ARHGAP5: variants seen among roughly 807,000 people sequenced by gnomAD.
ARHGAP5 encodes the protein Rho GTPase activating protein 5.
Under a neutral mutation model 116.6 loss-of-function variants are expected in ARHGAP5, and 23 were observed. The observed-to-expected ratio is 0.20, with a 90% CI of 0.14 to 0.28. ARHGAP5 has a LOEUF of 0.28. ARHGAP5 is among the 10% of genes least tolerant of loss of function. ARHGAP5 has a pLI of 1.00. For missense variants in ARHGAP5, 1,405 were observed against 1,774.8 expected (o/e 0.79, Z 3.74); for synonymous variants, 574 against 602.0 (o/e 0.95, Z 0.68).
chr14:32,158,657 A>G lies in ARHGAP5; in HGVS notation c.*3709A>G. 1 of 151,954 alleles carries G rather than the reference A, an allele frequency of 6.6e-6. No individual in the cohort carries two copies. Among genetic ancestry groups the G allele is most frequent in the East Asian group, 1.9e-4 (1 of 5,198 alleles). The allele number at this position is 151,954 out of a possible 1,614,324, so 9.4% of individuals were successfully genotyped here. ...CAGTTTCTAATTTGTTTCAATACAT[A>G]TGGGACATGGTTGATTTTTTTACTG... On this transcript the variant is annotated 3_prime_UTR_variant, in exon 7 of 7. Coordinates refer to ENST00000345122, the MANE Select transcript of ARHGAP5 (RefSeq NM_001030055.2).
Position 32,093,848 on chromosome 14 carries a change from A to G in ARHGAP5, c.3179A>G (p.Lys1060Arg), listed in dbSNP as rs777681465. The G allele has an allele frequency of 5.6e-6, 9 of 1,613,754 alleles. No homozygotes were observed. Among genetic ancestry groups the G allele is most frequent in the Non-Finnish European group, 7.6e-6 (9 of 1,179,944 alleles). ...NVKKLDPNLLKTIEAGIGKNP... is the reference protein window; with the variant it reads ...NVKKLDPNLLRTIEAGIGKNP... The stretch of plus-strand genomic sequence containing the variant: ...AAAAAACTCGATCCAAACCTTTTAA[A>G]AACAATTGAAGCTGGTATTGGTAAA... The change falls in exon 2 of 7, where the codon AAA becomes AGA. Residue 1060 changes from lysine to arginine, a missense_variant. By Grantham distance (26) the Lys-to-Arg change is conservative. This residue lies in a region of ARHGAP5 where 944 missense variants were observed against 1,095.3 expected (regional missense o/e 0.86). Transcript: ENST00000345122.
At chr14:32,097,523 A>G (rs902339654) in intron 2 of ARHGAP5, among the ~76,000 whole-genome samples, 2 of 152,200 alleles carry the variant, frequency 1.3e-5, no homozygotes, top group African/African-American at 4.8e-5. Flanking sequence ...AACATCATCT[A>G]TCATCCTAAA....
chr14:32,093,286 G>A lies in ARHGAP5; in HGVS notation c.2617G>A (p.Val873Ile), dbSNP rs1236770952. The change falls in exon 2 of 7, where the codon GTT becomes ATT. Residue 873 changes from valine (V) to isoleucine (I), a missense_variant. This residue lies in a region of ARHGAP5 where 944 missense variants were observed against 1,095.3 expected (regional missense o/e 0.86). Coordinates refer to ENST00000345122, the MANE Select transcript of ARHGAP5 (RefSeq NM_001030055.2). ...MGMLRAFLSE[V>I]QDTIPVQLVA... ...AATGCTTCGAGCATTTCTATCAGAAGTTCAAGACACCATTCCTGTACAGCT... is the reference window on the plus strand; with the variant it reads ...AATGCTTCGAGCATTTCTATCAGAAATTCAAGACACCATTCCTGTACAGCT... The A allele has an allele frequency of 1.9e-6, 3 of 1,613,566 alleles. No individual in the cohort carries two copies. The highest frequency in any genetic ancestry group is 2.5e-6 in the Non-Finnish European group (3 of 1,179,854).
At chr14:32,102,041 C>T (rs1033517417) in intron 2 of ARHGAP5, among the ~76,000 whole-genome samples, 1 of 152,168 alleles carries the variant, frequency 6.6e-6, no homozygotes, top group African/African-American at 2.4e-5. Flanking sequence ...GATAGGCTTA[C>T]ACTTTGTTGA....
At chr14:32,083,159 CCATT>C (rs2041795409) in intron 1 of ARHGAP5, among the ~76,000 whole-genome samples, 1 of 152,276 alleles carries the variant, frequency 6.6e-6, no homozygotes, top group African/African-American at 2.4e-5. Flanking sequence ...TTCATTGAAA[CCATT>C]CATCTGTTTC....
chr14:32,117,633 G>T (rs1308790920), intron 3 of ARHGAP5, among the ~76,000 whole-genome samples: 1 of 152,126 alleles, frequency 6.6e-6, no homozygotes, highest in South Asian at 2.1e-4. Context: ...ATTTTTAAGT[G>T]CAATGCTGTT....
Position 32,084,377 on chromosome 14 carries a change from GA to G in ARHGAP5, c.-168-6118del, listed in dbSNP as rs1017625719. ...TTAATGATCACATTATAGTCCTGGG[GA>G]AAAAAACTGGACTTTTTATGTTAGT... is the stretch of plus-strand genomic sequence containing the variant. On this transcript the variant is annotated intron_variant, in intron 1 of 6. Coordinates refer to ENST00000345122, the MANE Select transcript of ARHGAP5 (RefSeq NM_001030055.2). Among the ~76,000 whole-genome samples the G allele has an allele frequency of 3.5e-4, 53 of 152,076 alleles. 2 individuals are homozygous for G. In the Middle Eastern group the frequency reaches 0.02, roughly 59 times the overall value.
intron 2 of ARHGAP5, among the ~76,000 whole-genome samples, chr14:32,110,085 TATCTC>T (rs1228749688): frequency 3.9e-5 from 6 of 152,164 alleles, no homozygotes; most frequent in African/African-American, 1.4e-4. Flanking sequence ...AGACCTCAAG[TATCTC>T]TTTCTGGACC....
At chr14:32,131,463 T>A (rs527701400) in intron 3 of ARHGAP5, among the ~76,000 whole-genome samples, 8 of 152,240 alleles carry the variant, frequency 5.3e-5, no homozygotes, top group Non-Finnish European at 1.2e-4. Context: ...AACTTTTGCA[T>A]TTGGAAAAAC....
chr14:32,153,996 G>A (rs1017044064), intron 6 of ARHGAP5: 7 of 152,178 alleles, frequency 4.6e-5, no homozygotes, highest in African/African-American at 1.7e-4. Context: ...AACACCTATG[G>A]TAGTAATTTT....
At chr14:32,101,605 CA>C (rs199624425) in intron 2 of ARHGAP5, among the ~76,000 whole-genome samples, 3,499 of 149,168 alleles carry the variant, frequency 0.023, 62 homozygotes, top group Middle Eastern at 0.038. Context: ...ACAGTGTTCA[CA>C]TCTGAGAGAA....
At chr14:32,125,810 G>A (rs1027732405) in intron 3 of ARHGAP5, among the ~76,000 whole-genome samples, 8 of 151,986 alleles carry the variant, frequency 5.3e-5, no homozygotes, top group Non-Finnish European at 7.4e-5. Flanking sequence ...TTTCAGTACC[G>A]TTTTGTAGTT....
At chr14:32,110,949 T>C (rs1166078810) in intron 2 of ARHGAP5, among the ~76,000 whole-genome samples, 1 of 152,232 alleles carries the variant, frequency 6.6e-6, no homozygotes, top group Non-Finnish European at 1.5e-5. Context: ...GATTACATTT[T>C]AAGGAAAGCA....
Position 32,091,660 on chromosome 14 carries a change from A to G in ARHGAP5, c.991A>G (p.Ile331Val), listed in dbSNP as rs757108244. 8 of 1,610,398 alleles carry G rather than the reference A, an allele frequency of 5.0e-6. No homozygotes were observed. The highest frequency in any genetic ancestry group is 1.7e-4 in the Middle Eastern group (1 of 6,042). The change falls in exon 2 of 7, where the codon ATA becomes GTA. Residue 331 changes from isoleucine to valine, a missense_variant. By Grantham distance (29) the Ile-to-Val change is conservative. Coordinates refer to ENST00000345122, the MANE Select transcript of ARHGAP5 (RefSeq NM_001030055.2). Reference protein sequence around the residue: ...KHIEQLKQEHIRKRREEYINT... With the variant: ...KHIEQLKQEHVRKRREEYINT... ...TATAGAACAACTTAAACAGGAACATATAAGAAAAAGGAGAGAAGAGTATAT... is the reference window on the plus strand; with the variant it reads ...TATAGAACAACTTAAACAGGAACATGTAAGAAAAAGGAGAGAAGAGTATAT...
intron 1 of ARHGAP5, among the ~76,000 whole-genome samples, chr14:32,079,650 A>C (rs1301355895): frequency 6.6e-6 from 1 of 152,182 alleles, no homozygotes; most frequent in Non-Finnish European, 1.5e-5. Flanking sequence ...TAATTGAAGA[A>C]AAAGTTAGGT....
intron 4 of ARHGAP5, among the ~76,000 whole-genome samples, chr14:32,148,176 A>ATCTG (rs1163694524): frequency 6.7e-6 from 1 of 148,372 alleles, no homozygotes; most frequent in Non-Finnish European, 1.5e-5. Flanking sequence ...CTATCTATCT[A>ATCTG]TCTATCTATC....
chr14:32,140,094 G>GTTTTTTTTTTTTT (rs1566681674), intron 3 of ARHGAP5, among the ~76,000 whole-genome samples: 1 of 32,450 alleles, frequency 3.1e-5, no homozygotes, highest in Non-Finnish European at 5.6e-5. Flanking sequence ...TAGGTTATTT[G>GTTTTTTTTTTTTT]TTCTTTTTTT....
chr14:32,134,269 C>T (rs1435537617), intron 3 of ARHGAP5, among the ~76,000 whole-genome samples: 1 of 151,998 alleles, frequency 6.6e-6, no homozygotes. Context: ...TTTTATTTGA[C>T]TAGAAAGTAG....
At chr14:32,151,244 C>T (rs777127817) in intron 5 of ARHGAP5, among the ~76,000 whole-genome samples, 65 of 152,150 alleles carry the variant, frequency 4.3e-4, no homozygotes, top group Non-Finnish European at 2.2e-4. Flanking sequence ...TAATGTGTAA[C>T]AAATGAAATG....
Sources: gnomAD v4.1 joint callset for allele counts (sites outside exome capture counted in the v4.1 genomes callset) on GRCh38, gnomAD v4.1.1 for gene constraint, gnomAD v4.1.1 regional missense constraint, MANE v1.5 for transcripts, NCBI Gene and HGNC (gene_info 2026-07-23, HGNC 2026-07-21) for gene names.